ENTHD1: variants seen among roughly 807,000 people sequenced by gnomAD.
The protein encoded by ENTHD1 is ENTH domain containing 1.
A neutral mutation model predicts 39.1 loss-of-function variants in ENTHD1; 23 were observed. The observed-to-expected ratio is 0.59, with a 90% CI of 0.42 to 0.83. ENTHD1 has a LOEUF of 0.83. Ranked by LOEUF, ENTHD1 falls within the 40% of genes least tolerant of loss-of-function variation. The pLI is 0.00. For missense variants in ENTHD1, 624 were observed against 705.4 expected (o/e 0.88, Z 1.31); for synonymous variants, 230 against 258.2 (o/e 0.89, Z 1.05).
At chr22:39,882,303 T>C (rs904036498) in intron 2 of ENTHD1, among the ~76,000 whole-genome samples, 4 of 152,150 alleles carry the variant, frequency 2.6e-5, no homozygotes, top group African/African-American at 9.7e-5. Flanking sequence ...ATTCTGCCCA[T>C]TGAGGGAAAG....
rs561404244 is a variant in ENTHD1, at chr22:39,866,586, G to A, written c.350-4579C>T. Among the ~76,000 whole-genome samples, 17 of 152,252 alleles carry A rather than the reference G, an allele frequency of 1.1e-4. No individual in the cohort carries two copies. In the South Asian group the frequency reaches 2.9e-3, roughly 26 times the overall value. Reference sequence around the variant, plus strand: ...CTGCACAGACATTAGGGCAGAGTGCGCCAGACAGGGAACAGCTCCAATTTC... The same window carrying A: ...CTGCACAGACATTAGGGCAGAGTGCACCAGACAGGGAACAGCTCCAATTTC... On this transcript the variant is annotated intron_variant, in intron 2 of 6. Coordinates refer to ENST00000325157, the MANE Select transcript of ENTHD1 (RefSeq NM_152512.4).
chr22:39,804,870 T>C (rs373633573), intron 5 of ENTHD1, among the ~76,000 whole-genome samples: 3 of 152,198 alleles, frequency 2.0e-5, no homozygotes, highest in Admixed American at 6.5e-5. Context: ...TTGGGAAGTA[T>C]ACTGGCTGAG....
At chr22:39,758,614 CAG>C (rs1239318098) in intron 6 of ENTHD1, among the ~76,000 whole-genome samples, 2 of 152,058 alleles carry the variant, frequency 1.3e-5, no homozygotes, top group Non-Finnish European at 2.9e-5. Flanking sequence ...TTTGTAGAGA[CAG>C]GGTCTCACTA....
chr22:39,845,332 T>C (rs989046943), intron 3 of ENTHD1, among the ~76,000 whole-genome samples: 14 of 152,300 alleles, frequency 9.2e-5, no homozygotes, highest in African/African-American at 3.4e-4. Flanking sequence ...CCAGTCAGGA[T>C]TCAAATGCAG....
chr22:39,858,377 C>G (rs2066112595), intron 3 of ENTHD1, among the ~76,000 whole-genome samples: 1 of 152,212 alleles, frequency 6.6e-6, no homozygotes, highest in Non-Finnish European at 1.5e-5. Flanking sequence ...ATCTGCAGTT[C>G]CTTCCTCCAC....
intron 6 of ENTHD1, among the ~76,000 whole-genome samples, chr22:39,754,704 C>G (rs901264269): frequency 6.6e-6 from 1 of 152,182 alleles, no homozygotes; most frequent in Admixed American, 6.5e-5. Flanking sequence ...TCTCTCAGAT[C>G]GTGATCCACC....
At chr22:39,810,167 C>T (rs942106031) in intron 5 of ENTHD1, among the ~76,000 whole-genome samples, 3 of 152,142 alleles carry the variant, frequency 2.0e-5, no homozygotes, top group Non-Finnish European at 2.9e-5. Context: ...AGTAAATCTT[C>T]CCCTAAGCCT....
At chr22:39,782,436 G>C (rs2065418226) in intron 5 of ENTHD1, among the ~76,000 whole-genome samples, 1 of 151,414 alleles carries the variant, frequency 6.6e-6, no homozygotes. Flanking sequence ...AACTGAAGAG[G>C]AGAGAATACT....
At chr22:39,843,321 G>A (rs1407618298) in intron 3 of ENTHD1, among the ~76,000 whole-genome samples, 1 of 152,074 alleles carries the variant, frequency 6.6e-6, no homozygotes, top group Non-Finnish European at 1.5e-5. Context: ...GGACATGGAT[G>A]AAACTGGAAA....
chr22:39,784,529 T>C (rs940989435), intron 5 of ENTHD1, among the ~76,000 whole-genome samples: 2 of 139,922 alleles, frequency 1.4e-5, no homozygotes, highest in African/African-American at 5.5e-5. Flanking sequence ...AAATGCGCTC[T>C]CTCTCTCTCT....
At chr22:39,868,350 T>TAAA (rs535956120) in intron 2 of ENTHD1, among the ~76,000 whole-genome samples, 60 of 126,594 alleles carry the variant, frequency 4.7e-4, no homozygotes, top group South Asian at 4.3e-3. Flanking sequence ...TTTATTTTAT[T>TAAA]AAAAAAAAAA....
chr22:39,860,127 G>A (rs987559814), intron 3 of ENTHD1, among the ~76,000 whole-genome samples: 7 of 152,158 alleles, frequency 4.6e-5, no homozygotes, highest in Non-Finnish European at 8.8e-5. Flanking sequence ...TCTACCACTA[G>A]AATGTTAGTT....
In ENTHD1 at chr22:39,861,996, G is replaced by A. The variant is rs187853484; in HGVS notation, c.361C>T (p.Arg121Trp). The A allele has an allele frequency of 3.7e-5, 55 of 1,476,584 alleles. No individual in the cohort carries two copies. The highest frequency in any genetic ancestry group is 5.4e-5 in the Admixed American group (3 of 55,096). The allele number at this position is 1,476,584 out of a possible 1,614,324, so 91.5% of individuals were successfully genotyped here. The change falls in exon 3 of 7, where the codon CGG becomes TGG. Residue 121 changes from arginine (R) to tryptophan (W), a missense_variant. Coordinates refer to ENST00000325157, the MANE Select transcript of ENTHD1 (RefSeq NM_152512.4). ...EAGKDQGYYIREKSKQVITLL... is the reference protein window; with the variant it reads ...EAGKDQGYYIWEKSKQVITLL... ...GTGATGACTTGCTTAGATTTTTCCCGGATATAATAACCTGAAAAATACATT... is the reference window on the plus strand; with the variant it reads ...GTGATGACTTGCTTAGATTTTTCCCAGATATAATAACCTGAAAAATACATT...
chr22:39,799,882 T>G (rs959304796), intron 5 of ENTHD1, among the ~76,000 whole-genome samples: 1 of 152,132 alleles, frequency 6.6e-6, no homozygotes, highest in African/African-American at 2.4e-5. Flanking sequence ...TTCTGGGTAG[T>G]TGGGGGTTGG....
chr22:39,893,326 T>C (rs200020832), intron 1 of ENTHD1: 1 of 152,168 alleles, frequency 6.6e-6, no homozygotes, highest in East Asian at 1.9e-4. Flanking sequence ...CAACTTTCTG[T>C]GGGCAGGGCC....
At chr22:39,839,148 G>A (rs2065926513) in intron 3 of ENTHD1, among the ~76,000 whole-genome samples, 1 of 151,752 alleles carries the variant, frequency 6.6e-6, no homozygotes, top group Non-Finnish European at 1.5e-5. Flanking sequence ...TGTGTGAGGA[G>A]GTACATAGTG....
intron 6 of ENTHD1, among the ~76,000 whole-genome samples, chr22:39,762,196 C>A (rs145193771): frequency 6.6e-6 from 1 of 152,074 alleles, no homozygotes; most frequent in Non-Finnish European, 1.5e-5. Flanking sequence ...TCCCCCTATA[C>A]GTATAGTTTA....
chr22:39,746,434 G>A (rs1041316795), intron 6 of ENTHD1, among the ~76,000 whole-genome samples: 13 of 151,946 alleles, frequency 8.6e-5, no homozygotes, highest in Non-Finnish European at 1.8e-4. Context: ...CCTTCATAGT[G>A]TATGTTTCCT....
intron 4 of ENTHD1, among the ~76,000 whole-genome samples, chr22:39,832,634 G>A (rs747472424): frequency 1.3e-5 from 2 of 152,150 alleles, no homozygotes; most frequent in Non-Finnish European, 2.9e-5. Context: ...TGAGAAGGTC[G>A]CAGAACACTG....
Sources: gnomAD v4.1 joint callset for allele counts (sites outside exome capture counted in the v4.1 genomes callset) on GRCh38, gnomAD v4.1.1 for gene constraint, MANE v1.5 for transcripts, NCBI Gene and HGNC (gene_info 2026-07-23, HGNC 2026-07-21) for gene names.